The following NFIA variants were observed in gnomAD, a reference collection of about 807,000 sequenced individuals.
NFIA encodes the protein nuclear factor 1 A-type.
Under a neutral mutation model 62.8 loss-of-function variants are expected in NFIA, and 8 were observed. The ratio of observed to expected loss-of-function variants is 0.13; its 90% CI spans 0.07 to 0.23. The LOEUF (loss-of-function observed/expected upper bound fraction) is 0.23. Among genes scored for constraint, NFIA ranks in the 10% least tolerant of loss-of-function variants. The pLI is 1.00. For synonymous variants in NFIA, 235 were observed against 238.1 expected (o/e 0.99, Z 0.12); for missense variants, 410 against 642.1 (o/e 0.64, Z 3.91).
At chr1:61,138,382 C>T (rs1450241654) in intron 2 of NFIA, among the ~76,000 whole-genome samples, 1 of 152,072 alleles carries the variant, frequency 6.6e-6, no homozygotes, top group African/African-American at 2.4e-5. Flanking sequence ...AGGCATGAGC[C>T]ACTGCTCTGG....
chr1:61,278,950 AATAAG>A (rs1285826680), intron 3 of NFIA, among the ~76,000 whole-genome samples: 2 of 152,210 alleles, frequency 1.3e-5, no homozygotes, highest in Admixed American at 6.5e-5. Context: ...TGAAGAGTTA[AATAAG>A]ATAATATGTG....
At chr1:61,369,811 T>C (rs1465474187) in intron 6 of NFIA, among the ~76,000 whole-genome samples, 2 of 152,152 alleles carry the variant, frequency 1.3e-5, no homozygotes, top group East Asian at 1.9e-4. Context: ...TGCATACATA[T>C]ACATTCATTT....
chr1:61,421,384 A>G (rs1666613346), intron 9 of NFIA, among the ~76,000 whole-genome samples: 2 of 152,206 alleles, frequency 1.3e-5, no homozygotes, highest in South Asian at 2.1e-4. Flanking sequence ...AAATGTCTCT[A>G]TGATGCACTG....
intron 7 of NFIA, among the ~76,000 whole-genome samples, chr1:61,387,014 T>C (rs146466148): frequency 1.2e-4 from 19 of 152,258 alleles, no homozygotes; most frequent in African/African-American, 4.3e-4. Context: ...GCACTAATCC[T>C]ATTCATGAGG....
chr1:61,406,440 G>A, intron 8 of NFIA, 122 bp from the exon 9 acceptor site: 2 of 821,896 alleles, frequency 2.4e-6, no homozygotes, highest in Non-Finnish European at 3.9e-6. Context: ...GAAGCAGCTA[G>A]ATACTTAGTA....
At chr1:61,344,282 G>T (rs1248934432) in intron 4 of NFIA, among the ~76,000 whole-genome samples, 1 of 152,126 alleles carries the variant, frequency 6.6e-6, no homozygotes, top group Non-Finnish European at 1.5e-5. Flanking sequence ...CAGTCCCTTT[G>T]TGCCAGTGAC....
intron 2 of NFIA, among the ~76,000 whole-genome samples, chr1:61,174,266 C>CGCTCTCA (rs1171667179): frequency 1.3e-5 from 2 of 152,206 alleles, no homozygotes; most frequent in Non-Finnish European, 2.9e-5. Context: ...GAAACACATG[C>CGCTCTCA]GCTCTCAGCA....
chr1:61,445,762 AT>A (rs1235091462), intron 10 of NFIA, among the ~76,000 whole-genome samples: 1 of 152,192 alleles, frequency 6.6e-6, no homozygotes, highest in African/African-American at 2.4e-5. Flanking sequence ...GCCTCATGTA[AT>A]TATGCTCCTT....
intron 10 of NFIA, among the ~76,000 whole-genome samples, chr1:61,442,129 T>TGAAGCCCTGA (rs368639956): frequency 2.6e-5 from 4 of 152,250 alleles, no homozygotes; most frequent in African/African-American, 7.2e-5. Flanking sequence ...AGGCACGGAA[T>TGAAGCCCTGA]GAAGCCCTGA....
chr1:61,172,108 A>G (rs1302185019), intron 2 of NFIA, among the ~76,000 whole-genome samples: 1 of 152,236 alleles, frequency 6.6e-6, no homozygotes, highest in Non-Finnish European at 1.5e-5. Flanking sequence ...TTCCTTAGTC[A>G]CGTGACTGGA....
In NFIA at chr1:61,406,717, C is replaced by A. The variant is rs754125128; in HGVS notation, c.1410C>A (p.Pro470=). The change falls in exon 9 of 11, where the codon CCC becomes CCA. Residue 470 remains proline, a synonymous_variant. Coordinates refer to ENST00000403491, the MANE Select transcript of NFIA (RefSeq NM_001134673.4). The stretch of plus-strand genomic sequence containing the variant: ...CAACAGAAGGAGGTGCAGCCTCCCC[C>A]ACGTCACCAAGTAAGTATGGCTGCG... ...TTSTEGGAAS[P]TSPTYSTPST... is the part of the protein sequence containing the mutation. 6 of 1,608,546 alleles carry A rather than the reference C, an allele frequency of 3.7e-6. No homozygotes were observed. In the South Asian group the frequency reaches 4.5e-5, roughly 12 times the overall value.
chr1:61,352,700 A>G (rs1662611696), intron 5 of NFIA, 133 bp downstream of exon 5: 2 of 767,562 alleles, frequency 2.6e-6, no homozygotes, highest in Admixed American at 4.5e-5. Flanking sequence ...TTCAGCCCCA[A>G]AAGACTGTCG....
upstream of NFIA, chr1:61,077,538 A>G: frequency 8.7e-7 from 1 of 1,154,852 alleles, no homozygotes; most frequent in South Asian, 2.8e-5. Context: ...TTATTTAGAT[A>G]TTTTTTAAAT....
At chr1:61,230,366 G>A (rs1048565559) in intron 2 of NFIA, among the ~76,000 whole-genome samples, 9 of 152,102 alleles carry the variant, frequency 5.9e-5, no homozygotes, top group Non-Finnish European at 1.0e-4. Flanking sequence ...GGAAGGAATG[G>A]CATCTAATGG....
intron 7 of NFIA, among the ~76,000 whole-genome samples, chr1:61,398,084 G>A (rs1665371469): frequency 6.6e-6 from 1 of 152,128 alleles, no homozygotes; most frequent in Non-Finnish European, 1.5e-5. Flanking sequence ...AAAACTATTG[G>A]GCCCACAGAT....
chr1:61,332,417 C>T (rs1000525300), intron 3 of NFIA, 95 bp from the exon 4 acceptor site: 2 of 1,146,290 alleles, frequency 1.7e-6, no homozygotes, highest in African/African-American at 3.0e-5. Flanking sequence ...TTAGGCACCA[C>T]ATGTGTTAAT....
chr1:61,177,471 T>G (rs2100556575), intron 2 of NFIA, among the ~76,000 whole-genome samples: 1 of 152,326 alleles, frequency 6.6e-6, no homozygotes, highest in African/African-American at 2.4e-5. Flanking sequence ...ATTTATCTAG[T>G]GATGCTATAT....
At chr1:61,430,618 T>C (rs1214977197) in intron 10 of NFIA, among the ~76,000 whole-genome samples, 1 of 149,546 alleles carries the variant, frequency 6.7e-6, no homozygotes. Context: ...ACGTGGATAA[T>C]TGAAAGCCAT....
intron 2 of NFIA, among the ~76,000 whole-genome samples, chr1:61,262,794 T>C (rs1035384273): frequency 6.6e-6 from 1 of 152,208 alleles, no homozygotes; most frequent in Non-Finnish European, 1.5e-5. Context: ...AGTCTCCTTA[T>C]GGAATTATGT....
Sources: gnomAD v4.1 joint callset for allele counts (sites outside exome capture counted in the v4.1 genomes callset) on GRCh38, gnomAD v4.1.1 for gene constraint, MANE v1.5 for transcripts, NCBI Gene and HGNC (gene_info 2026-07-23, HGNC 2026-07-21) for gene names.